The following RNF6 variants were observed in gnomAD, a reference collection of about 807,000 sequenced individuals.
RNF6 encodes ring finger protein 6, also known as E3 ubiquitin-protein ligase RNF6.
RNF6 carries 21 observed loss-of-function variants against 50.1 expected under a neutral mutation model. The ratio of observed to expected loss-of-function variants is 0.42; its 90% confidence interval spans 0.30 to 0.60. The LOEUF is 0.60. Ranked by LOEUF, RNF6 falls within the 20% of genes least tolerant of loss-of-function variation. The pLI is 0.20. For synonymous variants in RNF6, 255 were observed against 291.8 expected (o/e 0.87, Z 1.29); for missense variants, 698 against 838.2 (o/e 0.83, Z 2.07).
At chr13:26,148,923 A>G (rs1282881610) in intron 5 of RNF6, among the ~76,000 whole-genome samples, 1 of 151,738 alleles carries the variant, frequency 6.6e-6, no homozygotes, top group African/African-American at 2.4e-5. Context: ...GAAGGCCAGC[A>G]TGCAGGAGGA....
At chr13:26,207,271 G>C (rs1438589773) in intron 5 of RNF6, among the ~76,000 whole-genome samples, 1 of 152,016 alleles carries the variant, frequency 6.6e-6, no homozygotes, top group East Asian at 1.9e-4. Flanking sequence ...GATACCCTGC[G>C]AGGGATCCTA....
At chr13:26,192,299 A>G (rs1284298905) in intron 5 of RNF6, among the ~76,000 whole-genome samples, 1 of 152,228 alleles carries the variant, frequency 6.6e-6, no homozygotes, top group Non-Finnish European at 1.5e-5. Flanking sequence ...ACAGAGTGGT[A>G]GTAGTGATGG....
intron 5 of RNF6, among the ~76,000 whole-genome samples, chr13:26,190,312 C>G (rs939787416): frequency 6.6e-6 from 1 of 152,162 alleles, no homozygotes; most frequent in Non-Finnish European, 1.5e-5. Context: ...ATCACATCTA[C>G]AAGATCTTTT....
chr13:26,192,429 G>A (rs1008455374), intron 5 of RNF6, among the ~76,000 whole-genome samples: 5 of 152,158 alleles, frequency 3.3e-5, no homozygotes, highest in Admixed American at 2.0e-4. Context: ...GAGAGTCTAC[G>A]ATGGCCCCCA....
At position 26,218,525 on chromosome 13, in the gene RNF6, C is replaced by T. The variant is rs777177234; in HGVS notation, c.275G>A (p.Gly92Glu). Residue 92 changes from glycine (G) to glutamate (E), a missense_variant, in exon 4 of 5, where the codon GGA becomes GAA. Transcript: ENST00000381588. ...CTCCATAGTACCTCTGTAATTCGTT[C>T]CATCTCTCAAGTCAGGCTGAGATGC... ...QLASQPDLRD[G>E]TNYRDSEVPR... 1 of 1,613,384 alleles carries T rather than the reference C, an allele frequency of 6.2e-7. No individual in the cohort carries two copies. Among genetic ancestry groups the T allele is most frequent in the Non-Finnish European group, 8.5e-7 (1 of 1,179,528 alleles).
At chr13:26,192,216 G>A (rs1868490672) in intron 5 of RNF6, among the ~76,000 whole-genome samples, 1 of 152,186 alleles carries the variant, frequency 6.6e-6, no homozygotes, top group Admixed American at 6.5e-5. Context: ...TTGAAAATGG[G>A]CAAAGGCAGA....
chr13:26,139,516 C>T (rs1870824864), intron 5 of RNF6, among the ~76,000 whole-genome samples: 1 of 152,120 alleles, frequency 6.6e-6, no homozygotes, highest in Non-Finnish European at 1.5e-5. Context: ...CAGTCACCTC[C>T]ATAAATTAAA....
chr13:26,148,715 AT>A (rs1421047436), intron 5 of RNF6, among the ~76,000 whole-genome samples: 2 of 138,524 alleles, frequency 1.4e-5, no homozygotes, highest in African/African-American at 5.3e-5. Context: ...TATATAATAA[AT>A]ATATATTTTA....
rs377304386 is a variant in RNF6 at position 26,165,830 on chromosome 13, T to C, written n.769-33379A>G. On this transcript the variant is annotated intron_variant and non_coding_transcript_variant, in intron 5 of 5. Transcript: ENST00000468480. ...GGAAGTAACTGACTTGCTTTTGATTTTACTGGCTCGTAGGCAGGAGGGACT... is the reference window on the plus strand; with the variant it reads ...GGAAGTAACTGACTTGCTTTTGATTCTACTGGCTCGTAGGCAGGAGGGACT... 1.1e-3 allele frequency among the ~76,000 whole-genome samples: 173 copies of C among 152,356 alleles called. 4 individuals carry two copies. The highest frequency in any genetic ancestry group is 7.0e-3 in the South Asian group (34 of 4,826).
chr13:26,164,620 T>C (rs1349746251), intron 5 of RNF6, among the ~76,000 whole-genome samples: 1 of 152,228 alleles, frequency 6.6e-6, no homozygotes, highest in East Asian at 1.9e-4. Context: ...TACTATCATG[T>C]TCAGTATAAA....
At chr13:26,132,459 A>C (rs1270670324) in intron 5 of RNF6, 1 of 459,084 alleles carries the variant, frequency 2.2e-6, no homozygotes, top group Non-Finnish European at 4.4e-6. Flanking sequence ...AGCCTACAAA[A>C]TAAAACCAAA....
chr13:26,198,128 GTA>G (rs61658351), intron 5 of RNF6, among the ~76,000 whole-genome samples: 10,935 of 149,952 alleles, frequency 0.073, 591 homozygotes, highest in South Asian at 0.12. Flanking sequence ...GTGTGTGTGT[GTA>G]TATATATATA....
intron 5 of RNF6, among the ~76,000 whole-genome samples, chr13:26,147,631 C>A (rs1454701717): frequency 6.6e-6 from 1 of 152,210 alleles, no homozygotes; most frequent in South Asian, 2.1e-4. Context: ...CTCATCCCAA[C>A]TTTTAGGATC....
intron 5 of RNF6, among the ~76,000 whole-genome samples, chr13:26,205,186 A>G (rs1054831007): frequency 1.1e-4 from 17 of 152,010 alleles, no homozygotes; most frequent in Admixed American, 6.6e-4. Context: ...CAACAATTAG[A>G]CATCTTCTGA....
intron 5 of RNF6, among the ~76,000 whole-genome samples, chr13:26,174,032 A>G (rs1872831767): frequency 6.6e-6 from 1 of 152,196 alleles, no homozygotes; most frequent in African/African-American, 2.4e-5. Context: ...AATGGTGAGA[A>G]TATGAGTGTT....
chr13:26,173,823 T>C (rs1872817034), intron 5 of RNF6, among the ~76,000 whole-genome samples: 1 of 151,828 alleles, frequency 6.6e-6, no homozygotes, highest in Non-Finnish European at 1.5e-5. Context: ...TGGTGGTGTA[T>C]GCCTGTAATC....
chr13:26,157,852 C>A (rs1872005190), intron 5 of RNF6, among the ~76,000 whole-genome samples: 1 of 151,590 alleles, frequency 6.6e-6, no homozygotes, highest in Non-Finnish European at 1.5e-5. Context: ...TAGTTGCCCA[C>A]AGAATAAGAG....
At position 26,215,340 on chromosome 13, in the gene RNF6, T is replaced by C. The variant is rs202072137; in HGVS notation, c.542A>G (p.His181Arg). 3.7e-5 allele frequency: 59 copies of C among 1,614,254 alleles called. No homozygotes were observed. In the East Asian group the frequency reaches 1.2e-3, roughly 33 times the overall value. Residue 181 changes from histidine to arginine, a missense_variant, in exon 5 of 5, where the codon CAT becomes CGT. Coordinates refer to ENST00000381588, the MANE Select transcript of RNF6 (RefSeq NM_005977.4). ...TGACCTTTGTTGCCTATTTGCAGTATGATCTCTGTTACTATCTGAAAGTGG... is the reference window on the plus strand; with the variant it reads ...TGACCTTTGTTGCCTATTTGCAGTACGATCTCTGTTACTATCTGAAAGTGG... ...DIPLSDSNRD[H>R]TANRQQRSTS...
chr13:26,174,038 G>C (rs1872832064), intron 5 of RNF6, among the ~76,000 whole-genome samples: 2 of 151,986 alleles, frequency 1.3e-5, no homozygotes, highest in African/African-American at 4.8e-5. Context: ...GAGAATATGA[G>C]TGTTTGTTGA....
Sources: gnomAD v4.1 joint callset for allele counts (sites outside exome capture counted in the v4.1 genomes callset) on GRCh38, gnomAD v4.1.1 for gene constraint, MANE v1.5 for transcripts, NCBI Gene and HGNC (gene_info 2026-07-23, HGNC 2026-07-21) for gene names.